RHOJ: variants seen among roughly 807,000 people sequenced by gnomAD.
The protein encoded by RHOJ is rho-related GTP-binding protein RhoJ.
In RHOJ, 11 loss-of-function variants were observed where a neutral mutation model predicts 23.4. The ratio of observed to expected loss-of-function variants is 0.47; its 90% CI spans 0.30 to 0.78. The LOEUF (loss-of-function observed/expected upper bound fraction) is 0.78. Among genes scored for constraint, RHOJ ranks in the 30% least tolerant of loss-of-function variants. The pLI, the probability that RHOJ is intolerant of heterozygous loss-of-function variation, is 0.08. For missense variants in RHOJ, 254 were observed against 273.4 expected, an observed-to-expected ratio of 0.93 and a Z score of 0.50; for synonymous variants, 102 against 102.7, an observed-to-expected ratio of 0.99 and a Z score of 0.04.
At chr14:63,226,542 A>G (rs931236464) in intron 1 of RHOJ, among the ~76,000 whole-genome samples, 2 of 150,746 alleles carry the variant, frequency 1.3e-5, no homozygotes, top group Non-Finnish European at 3.0e-5. Context: ...ATATAAAACA[A>G]TATATAAATA....
rs1448943308 is a variant in RHOJ, at chr14:63,204,840, C to T, written c.-30C>T. 4 of 1,591,676 alleles carry T rather than the reference C, an allele frequency of 2.5e-6. No homozygotes were observed. Among genetic ancestry groups the T allele is most frequent in the Non-Finnish European group, 3.4e-6 (4 of 1,168,266 alleles). On this transcript the variant is annotated 5_prime_UTR_variant, in exon 1 of 5. Transcript: ENST00000316754. Reference sequence around the variant, plus strand: ...GAAAAAGCAGGAGAAGCAATAGCAGCAGGAGTCCCCAGCAGCTGGAGCCGC... The same window carrying T: ...GAAAAAGCAGGAGAAGCAATAGCAGTAGGAGTCCCCAGCAGCTGGAGCCGC...
intron 1 of RHOJ, among the ~76,000 whole-genome samples, chr14:63,246,506 C>A (rs1294835779): frequency 1.3e-5 from 2 of 152,152 alleles, no homozygotes; most frequent in Admixed American, 6.5e-5. Flanking sequence ...GGAAAAATTA[C>A]AAAACCTGAG....
chr14:63,269,295 G>T, intron 2 of RHOJ, 127 bp downstream of exon 2: 1 of 614,992 alleles, frequency 1.6e-6, no homozygotes, highest in South Asian at 2.4e-5. Context: ...CCAATTTATT[G>T]TCTGCCTAAA....
rs780513440 is a variant in RHOJ at position 63,292,144 on chromosome 14, G to T, written c.*1120G>T. 3.9e-5 allele frequency: 6 copies of T among 152,090 alleles called. No homozygotes were observed. In the South Asian group the frequency reaches 1.0e-3, roughly 26 times the overall value. 9.4% of individuals were successfully genotyped at this position (152,090 alleles called of 1,614,324 possible). A position where few individuals can be genotyped will look rare whatever the true frequency, so the allele number is the denominator to read the frequency against. ...TTCAACTGAAAGTGCTTCTCAGCTC[G>T]CCCCATGTAAGTTCTCATTCCATGT... is the stretch of plus-strand genomic sequence containing the variant. On this transcript the variant is annotated 3_prime_UTR_variant, in exon 5 of 5. Transcript: ENST00000316754.
chr14:63,228,877 C>T (rs1043511226), intron 1 of RHOJ, among the ~76,000 whole-genome samples: 1 of 152,174 alleles, frequency 6.6e-6, no homozygotes, highest in African/African-American at 2.4e-5. Flanking sequence ...GCAGCATTAC[C>T]TTCCGAGTTT....
At chr14:63,283,260 A>C (rs1305737510) in intron 4 of RHOJ, 44 bp downstream of exon 4, 1 of 1,501,830 alleles carries the variant, frequency 6.7e-7, no homozygotes, top group Non-Finnish European at 9.3e-7. Context: ...TGCTGAGAGA[A>C]GAGTGTGTTG....
chr14:63,216,639 T>G (rs1044016994), intron 1 of RHOJ, among the ~76,000 whole-genome samples: 2 of 152,196 alleles, frequency 1.3e-5, no homozygotes, highest in African/African-American at 4.8e-5. Flanking sequence ...TTTTCTAAAC[T>G]AAAATGAATT....
intron 1 of RHOJ, among the ~76,000 whole-genome samples, chr14:63,207,442 C>T (rs1470590117): frequency 6.6e-6 from 1 of 152,212 alleles, no homozygotes; most frequent in East Asian, 1.9e-4. Flanking sequence ...CTTAGGCAGT[C>T]ACGTGAGAAT....
intron 1 of RHOJ, 44 bp downstream of exon 1, chr14:63,205,091 A>G: frequency 6.3e-7 from 1 of 1,584,268 alleles, no homozygotes; most frequent in Non-Finnish European, 8.6e-7. Context: ...CAAACGATGC[A>G]GGGGGCGAGA....
intron 1 of RHOJ, among the ~76,000 whole-genome samples, chr14:63,215,145 G>T (rs774482122): frequency 1.3e-5 from 2 of 152,144 alleles, no homozygotes; most frequent in Non-Finnish European, 2.9e-5. Flanking sequence ...AACATTTGGG[G>T]AAAAGGAAAG....
At chr14:63,231,764 G>A (rs67785117) in intron 1 of RHOJ, among the ~76,000 whole-genome samples, 17,258 of 152,116 alleles carry the variant, frequency 0.11, 1,209 homozygotes, top group African/African-American at 0.18. Flanking sequence ...AACAAATATC[G>A]GTGGCTTCTG....
At chr14:63,237,470 A>T (rs1894810222) in intron 1 of RHOJ, among the ~76,000 whole-genome samples, 1 of 152,208 alleles carries the variant, frequency 6.6e-6, no homozygotes, top group South Asian at 2.1e-4. Context: ...TTTAAACATT[A>T]AAAAGTGTCT....
At chr14:63,270,170 C>CT (rs10680889) in intron 2 of RHOJ, among the ~76,000 whole-genome samples, 13,698 of 128,128 alleles carry the variant, frequency 0.11, 797 homozygotes, top group Non-Finnish European at 0.11. Context: ...TCGTCTAGGC[C>CT]TTTTTTTTTT....
At position 63,249,821 on chromosome 14, in the gene RHOJ, G is replaced by A. The variant is rs1895037414; in HGVS notation, c.179-19289G>A. Among the ~76,000 whole-genome samples the A allele has an allele frequency of 2.6e-5, 4 of 152,162 alleles. No homozygotes were observed. In the South Asian group the frequency reaches 8.3e-4, roughly 32 times the overall value. Reference sequence around the variant, plus strand: ...CCCAAAACATCAATGCCTGGATATCGATAGATTCTGTTGTAATTGGTCCAG... The same window carrying A: ...CCCAAAACATCAATGCCTGGATATCAATAGATTCTGTTGTAATTGGTCCAG... On this transcript the variant is annotated intron_variant, in intron 1 of 4. Coordinates refer to ENST00000316754, the MANE Select transcript of RHOJ (RefSeq NM_020663.5).
chr14:63,288,195 T>C (rs1249977331), intron 4 of RHOJ: 2 of 985,462 alleles, frequency 2.0e-6, no homozygotes, highest in East Asian at 2.3e-4. Context: ...CAGAAATGTC[T>C]GAATTGGAAG....
intron 1 of RHOJ, among the ~76,000 whole-genome samples, chr14:63,247,843 A>G (rs1202112874): frequency 6.6e-6 from 1 of 152,210 alleles, no homozygotes; most frequent in Non-Finnish European, 1.5e-5. Flanking sequence ...TAATGGACTC[A>G]CCGTTCCACT....
chr14:63,262,173 C>T (rs953672488), intron 1 of RHOJ, among the ~76,000 whole-genome samples: 2 of 152,196 alleles, frequency 1.3e-5, no homozygotes, highest in African/African-American at 2.4e-5. Flanking sequence ...GACAGCCAAC[C>T]CAATGAGGAA....
At chr14:63,247,256 C>T (rs1055645580) in intron 1 of RHOJ, among the ~76,000 whole-genome samples, 6 of 152,152 alleles carry the variant, frequency 3.9e-5, no homozygotes, top group Admixed American at 3.3e-4. Context: ...CTCAACAAGT[C>T]CCTTAAGCAA....
intron 1 of RHOJ, among the ~76,000 whole-genome samples, chr14:63,207,073 C>T (rs1409294539): frequency 2.0e-5 from 3 of 151,346 alleles, no homozygotes; most frequent in Non-Finnish European, 4.4e-5. Context: ...GCTCTGTCGC[C>T]CAGGCTGGAG....
Sources: gnomAD v4.1 joint callset for allele counts (sites outside exome capture counted in the v4.1 genomes callset) on GRCh38, gnomAD v4.1.1 for gene constraint, MANE v1.5 for transcripts, NCBI Gene and HGNC (gene_info 2026-07-23, HGNC 2026-07-21) for gene names.